Variants in CDH20 observed in about 807,000 individuals in gnomAD.
The protein encoded by CDH20 is cadherin 20.
In CDH20, 29 loss-of-function variants were observed where a neutral mutation model predicts 74.2. That is an observed-to-expected ratio of 0.39 (90% CI 0.29 to 0.53). The LOEUF (loss-of-function observed/expected upper bound fraction) is 0.53, where lower values mean the gene tolerates loss of function less well. CDH20 is among the 20% of genes least tolerant of loss of function. The pLI is 0.69. For missense variants in CDH20, 988 were observed against 1,048.3 expected (o/e 0.94, Z 0.79); for synonymous variants, 469 against 405.4 (o/e 1.16, Z -1.88).
chr18:61,424,951 GC>G (rs1599075763), intron 1 of CDH20, among the ~76,000 whole-genome samples: 1 of 151,932 alleles, frequency 6.6e-6, no homozygotes, highest in Non-Finnish European at 1.5e-5. Flanking sequence ...AGGTTCTTGA[GC>G]TTCTAAAATG....
rs1012724210 is a variant in CDH20 at position 61,483,888 on chromosome 18, G to A, written c.-152-6514G>A. ...AAGATTGCATAGATAGTAAGTGGTAGGGCTGAAACTCACTGAAGTTTGGCT... is the reference window on the plus strand; with the variant it reads ...AAGATTGCATAGATAGTAAGTGGTAAGGCTGAAACTCACTGAAGTTTGGCT... On this transcript the variant is annotated intron_variant, in intron 1 of 11. Coordinates refer to ENST00000262717, the MANE Select transcript of CDH20 (RefSeq NM_031891.4). Among the ~76,000 whole-genome samples, 5 of 152,316 alleles carry A rather than the reference G, an allele frequency of 3.3e-5. 1 individual carries two copies. The Middle Eastern group carries it at 0.01, about 311-fold the overall frequency.
chr18:61,443,496 C>G (rs146764945), intron 1 of CDH20, among the ~76,000 whole-genome samples: 2 of 152,116 alleles, frequency 1.3e-5, no homozygotes, highest in Non-Finnish European at 2.9e-5. Flanking sequence ...AGGCTGGATG[C>G]AGCCACATGG....
chr18:61,371,713 C>A (rs977334225), intron 1 of CDH20, among the ~76,000 whole-genome samples: 5 of 151,950 alleles, frequency 3.3e-5, no homozygotes, highest in Non-Finnish European at 7.4e-5. Context: ...AGTTAGAGAA[C>A]AATGATTTTT....
intron 1 of CDH20, among the ~76,000 whole-genome samples, chr18:61,346,487 G>GA (rs920386330): frequency 6.6e-5 from 10 of 151,802 alleles, no homozygotes; most frequent in African/African-American, 9.7e-5. Context: ...AAGGAGCTTA[G>GA]AAAAAAAATT....
At position 61,523,736 on chromosome 18, in the gene CDH20, G is replaced by A. The variant is rs371269580; in HGVS notation, c.1018-4231G>A. Among the ~76,000 whole-genome samples, 28 of 152,276 alleles carry A rather than the reference G, an allele frequency of 1.8e-4. No homozygotes were observed. In the East Asian group the frequency reaches 3.1e-3, roughly 17 times the overall value. ...CATATACAATACGGAATACTATGCAGCCATAAAAAAGGAGGAGTTCATGTC... is the reference window on the plus strand; with the variant it reads ...CATATACAATACGGAATACTATGCAACCATAAAAAAGGAGGAGTTCATGTC... On this transcript the variant is annotated intron_variant, in intron 6 of 11. Transcript: ENST00000262717.
At chr18:61,509,527 G>C (rs182218985) in intron 6 of CDH20, among the ~76,000 whole-genome samples, 2 of 152,322 alleles carry the variant, frequency 1.3e-5, no homozygotes, top group Admixed American at 6.5e-5. Context: ...CTGAGTGGAG[G>C]GGGGAACTCT....
At position 61,503,082 on chromosome 18, in the gene CDH20, T is replaced by A; in HGVS notation, c.791T>A (p.Leu264His). 6.2e-7 allele frequency: 1 copy of A among 1,612,958 alleles called. No homozygotes were observed. Among genetic ancestry groups the A allele is most frequent in the Non-Finnish European group, 8.5e-7 (1 of 1,179,584 alleles). Residue 264 changes from leucine (L) to histidine (H), a missense_variant, in exon 5 of 12, where the codon CTC becomes CAC. Coordinates refer to ENST00000262717, the MANE Select transcript of CDH20 (RefSeq NM_031891.4). ...LAGTTTVNIT[L>H]SDVNDNPPRF... The stretch of plus-strand genomic sequence containing the variant: ...GGGACCACAACAGTCAACATCACCC[T>A]CTCAGATGTCAATGATAACCCACCC...
intron 6 of CDH20, among the ~76,000 whole-genome samples, chr18:61,508,944 GACT>G (rs1449014847): frequency 6.6e-6 from 1 of 152,206 alleles, no homozygotes; most frequent in African/African-American, 2.4e-5. Context: ...GCTGATTGGA[GACT>G]ATTATTCTAA....
Position 61,353,870 on chromosome 18 carries a change from T to G in CDH20, c.-153+20043T>G, listed in dbSNP as rs374684294. Among the ~76,000 whole-genome samples the G allele has an allele frequency of 1.3e-5, 2 of 152,198 alleles. No homozygotes were observed. The highest frequency in any genetic ancestry group is 4.2e-4 in the South Asian group (2 of 4,814). ...GCCGGGGCGGTTGGATTGCCTGAAC[T>G]CTGTAGTTCATAACCAGCCTGGGCA... On this transcript the variant is annotated intron_variant, in intron 1 of 11. Coordinates refer to ENST00000262717, the MANE Select transcript of CDH20 (RefSeq NM_031891.4). This position sits in a 1 kb window ranked among gnomAD's most constrained non-coding sequence, Gnocchi z 4.6.
At chr18:61,477,515 A>T (rs1040922994) in intron 1 of CDH20, among the ~76,000 whole-genome samples, 5 of 152,238 alleles carry the variant, frequency 3.3e-5, no homozygotes, top group African/African-American at 9.6e-5. Flanking sequence ...GATAATAAAC[A>T]GCGTTCTTGA....
At chr18:61,365,416 A>T (rs542482817) in intron 1 of CDH20, among the ~76,000 whole-genome samples, 27 of 152,314 alleles carry the variant, frequency 1.8e-4, no homozygotes, top group African/African-American at 6.0e-4. Flanking sequence ...TTGGAGTTTT[A>T]GCTATTTCTA....
chr18:61,426,902 A>C (rs561161999), intron 1 of CDH20, among the ~76,000 whole-genome samples: 13 of 152,242 alleles, frequency 8.5e-5, no homozygotes, highest in African/African-American at 3.1e-4. Flanking sequence ...AGAGCCCTGA[A>C]CGAGGGAGCG....
intron 10 of CDH20, among the ~76,000 whole-genome samples, chr18:61,548,067 T>C (rs1913314089): frequency 6.6e-6 from 1 of 152,146 alleles, no homozygotes; most frequent in Non-Finnish European, 1.5e-5. Context: ...AAACAAGCAA[T>C]TAAAACTACA....
intron 1 of CDH20, among the ~76,000 whole-genome samples, chr18:61,348,623 T>C (rs9319979): frequency 0.15 from 23,041 of 152,152 alleles, 2,366 homozygotes; most frequent in Admixed American, 0.31. Flanking sequence ...AAGTCCACAT[T>C]CCTGTCAGTC....
At chr18:61,523,427 G>A (rs1046525109) in intron 6 of CDH20, among the ~76,000 whole-genome samples, 3 of 152,168 alleles carry the variant, frequency 2.0e-5, no homozygotes, top group Non-Finnish European at 4.4e-5. Context: ...ACAGATGCAG[G>A]AGAGGATGTG....
intron 1 of CDH20, among the ~76,000 whole-genome samples, chr18:61,408,236 A>T (rs1311181948): frequency 6.6e-6 from 1 of 152,174 alleles, no homozygotes; most frequent in African/African-American, 2.4e-5. Context: ...GAGTTTGAAG[A>T]TGGTGGCAGC....
chr18:61,434,788 A>C (rs1297093712), intron 1 of CDH20, among the ~76,000 whole-genome samples: 1 of 152,196 alleles, frequency 6.6e-6, no homozygotes, highest in Non-Finnish European at 1.5e-5. Flanking sequence ...TATTAATATA[A>C]CACAAATTAA....
chr18:61,515,356 G>A lies in CDH20; in HGVS notation c.1017+7796G>A, dbSNP rs555131834. On this transcript the variant is annotated intron_variant, in intron 6 of 11. Transcript: ENST00000262717. Reference sequence around the variant, plus strand: ...GTGAGGCAATGCCTCGCCCTGCTTCGGCTCGCGCACGGTGCACGCACCCAC... The same window carrying A: ...GTGAGGCAATGCCTCGCCCTGCTTCAGCTCGCGCACGGTGCACGCACCCAC... 3.3e-5 allele frequency among the ~76,000 whole-genome samples: 5 copies of A among 152,094 alleles called. No homozygotes were observed. In the South Asian group the frequency reaches 6.2e-4, roughly 19 times the overall value.
chr18:61,343,637 G>T (rs1029404199), intron 1 of CDH20, among the ~76,000 whole-genome samples: 1 of 152,118 alleles, frequency 6.6e-6, no homozygotes, highest in Non-Finnish European at 1.5e-5. Flanking sequence ...GTAGCCACTG[G>T]CCAGGAAAGG....
Sources: gnomAD v4.1 joint callset for allele counts (sites outside exome capture counted in the v4.1 genomes callset) on GRCh38, gnomAD v4.1.1 for gene constraint, Gnocchi (gnomAD v3.1) non-coding constraint, MANE v1.5 for transcripts, NCBI Gene and HGNC (gene_info 2026-07-23, HGNC 2026-07-21) for gene names.